GRAMD2A: variants seen among roughly 807,000 people sequenced by gnomAD.
GRAMD2A encodes the protein GRAM domain containing 2A, also known as GRAM domain-containing protein 2A.
In GRAMD2A, 37 loss-of-function variants were observed where a neutral mutation model predicts 51.1. The observed-to-expected ratio is 0.72, with a 90% CI of 0.56 to 0.95. The LOEUF is 0.95. Ranked by LOEUF, GRAMD2A falls within the 40% of genes least tolerant of loss-of-function variation. GRAMD2A has a pLI of 0.00. For synonymous variants in GRAMD2A, 136 were observed against 157.1 expected (o/e 0.87, Z 1.01); for missense variants, 414 against 426.9 (o/e 0.97, Z 0.27).
intron 1 of GRAMD2A, among the ~76,000 whole-genome samples, chr15:72,191,170 C>G (rs1948316132): frequency 1.3e-5 from 2 of 152,072 alleles, no homozygotes; most frequent in Non-Finnish European, 2.9e-5. Context: ...CTGGCTACAC[C>G]TCAGGATAAG....
chr15:72,162,388 C>T lies in GRAMD2A; in HGVS notation c.957-11G>A, dbSNP rs897731. 6.3e-7 allele frequency: 1 copy of T among 1,598,486 alleles called. No homozygotes were observed. Among genetic ancestry groups the T allele is most frequent in the Non-Finnish European group, 8.6e-7 (1 of 1,166,398 alleles). On this transcript the variant is annotated splice_polypyrimidine_tract_variant and intron_variant, in intron 10 of 11. Transcript: ENST00000309731. ...ACCAGGAAGCAGATCCTGAAGAAAG[C>T]GGCAATACGGAGTTAAATATTTCTT...
At chr15:72,185,189 GTTTTT>G (rs761749553) in intron 1 of GRAMD2A, among the ~76,000 whole-genome samples, 1 of 139,966 alleles carries the variant, frequency 7.1e-6, no homozygotes, top group African/African-American at 2.6e-5. Flanking sequence ...TTTTGTTCCA[GTTTTT>G]TTTTTTTTTT....
chr15:72,163,493 A>G lies in GRAMD2A; in HGVS notation c.746-17T>C, dbSNP rs750683347. ...TTGACTTTTCTTTATGGATTGGGAGAAAAAAAAAATCAGCTCTCAGAAGCC... is the reference window on the plus strand; with the variant it reads ...TTGACTTTTCTTTATGGATTGGGAGGAAAAAAAAATCAGCTCTCAGAAGCC... On this transcript the variant is annotated splice_polypyrimidine_tract_variant and intron_variant, in intron 9 of 11. Transcript: ENST00000309731. 9 of 1,512,002 alleles carry G rather than the reference A, an allele frequency of 6.0e-6. No homozygotes were observed. Among genetic ancestry groups the G allele is most frequent in the African/African-American group, 2.8e-5 (2 of 72,110 alleles). The allele number at this position is 1,512,002 out of a possible 1,614,324, so 93.7% of individuals were successfully genotyped here. A position where few individuals can be genotyped will look rare whatever the true frequency, so the allele number is the denominator to read the frequency against.
chr15:72,170,838 T>C lies in GRAMD2A; in HGVS notation c.42-899A>G, dbSNP rs537159373. The stretch of plus-strand genomic sequence containing the variant: ...GAACAGGTAACAAGGTCACGTGCAG[T>C]GGTCCTGCTGCAGATTAGGAGCTGG... On this transcript the variant is annotated intron_variant, in intron 1 of 11. Transcript: ENST00000309731. The surrounding 1 kb of genome is among the most constrained non-coding windows in gnomAD (Gnocchi z 4.5). Among the ~76,000 whole-genome samples, 58 of 152,304 alleles carry C rather than the reference T, an allele frequency of 3.8e-4. No individual in the cohort carries two copies. Among genetic ancestry groups the C allele is most frequent in the Non-Finnish European group, 6.2e-4 (42 of 68,020 alleles).
rs1596705372 is a variant in GRAMD2A, at chr15:72,197,689, TCCGGAACCCCCGAGACCGGCCC to T, written c.41+20_41+41del. 7.8e-7 allele frequency: 1 copy of T among 1,276,968 alleles called. No homozygotes were observed. Among genetic ancestry groups the T allele is most frequent in the Non-Finnish European group, 9.9e-7 (1 of 1,010,252 alleles). The allele number at this position is 1,276,968 out of a possible 1,614,324, so 79.1% of individuals were successfully genotyped here. On this transcript the variant is annotated intron_variant, in intron 1 of 11. Coordinates refer to ENST00000309731, the MANE Select transcript of GRAMD2A (RefSeq NM_001012642.3). ...GCGGCAGCAGCCCCTCGCGGCGGCC[TCCGGAACCCCCGAGACCGGCCC>T]CCGGGCCGCAACCCCTTACCCGCCC...
chr15:72,164,552 C>A (rs984607472), intron 8 of GRAMD2A, among the ~76,000 whole-genome samples: 2 of 151,980 alleles, frequency 1.3e-5, no homozygotes, highest in African/African-American at 4.8e-5. Context: ...ACTACAGGTA[C>A]GTGCCAACAT....
intron 1 of GRAMD2A, among the ~76,000 whole-genome samples, chr15:72,178,464 G>A (rs957035393): frequency 6.6e-6 from 1 of 151,888 alleles, no homozygotes; most frequent in Non-Finnish European, 1.5e-5. Context: ...CTAGGATTCT[G>A]TGGAGAGAGG....
At position 72,166,312 on chromosome 15, in the gene GRAMD2A, G is replaced by A. The variant is rs2081543790; in HGVS notation, c.543+320C>T. ...GAGGCTAAGCTACGATGTTCTGTAG[G>A]TGATGTGTACCTCTATTAAACACAT... On this transcript the variant is annotated intron_variant, in intron 7 of 11. Coordinates refer to ENST00000309731, the MANE Select transcript of GRAMD2A (RefSeq NM_001012642.3). The surrounding 1 kb of genome is among the most constrained non-coding windows in gnomAD (Gnocchi z 4.1). 6.6e-6 allele frequency among the ~76,000 whole-genome samples: 1 copy of A among 152,212 alleles called. No homozygotes were observed. The highest frequency in any genetic ancestry group is 2.4e-5 in the African/African-American group (1 of 41,464).
At chr15:72,195,885 A>C in intron 1 of GRAMD2A, among the ~76,000 whole-genome samples, 1 of 152,100 alleles carries the variant, frequency 6.6e-6, no homozygotes, top group East Asian at 1.9e-4. Flanking sequence ...ACGCCATTGC[A>C]CTCCAGCCTG....
chr15:72,168,938 C>A lies in GRAMD2A; in HGVS notation c.192+1G>T, dbSNP rs1466596170. ...AGTGAGAAGTCAGCCTCCAGACTTA[C>A]CCCTTCTCGGCCACACTTCTTTATC... On this transcript the variant is annotated splice_donor_variant, in intron 3 of 11. Transcript: ENST00000309731. LOFTEE classifies it high-confidence loss of function. 2 of 1,613,768 alleles carry A rather than the reference C, an allele frequency of 1.2e-6. No homozygotes were observed. Among genetic ancestry groups the A allele is most frequent in the Non-Finnish European group, 1.7e-6 (2 of 1,179,718 alleles).
chr15:72,179,046 A>G (rs2081677547), intron 1 of GRAMD2A, among the ~76,000 whole-genome samples: 1 of 152,186 alleles, frequency 6.6e-6, no homozygotes, highest in Non-Finnish European at 1.5e-5. Context: ...GGTCCCACTC[A>G]GCTCCCCTGG....
At chr15:72,167,997 A>G (rs2081567165) in intron 4 of GRAMD2A, among the ~76,000 whole-genome samples, 158 bp from the exon 5 acceptor site, 1 of 151,938 alleles carries the variant, frequency 6.6e-6, no homozygotes, top group African/African-American at 2.4e-5. Context: ...CAAACAGTCC[A>G]TTCCCCAGCG....
At chr15:72,174,225 G>C (rs1296673024) in intron 1 of GRAMD2A, among the ~76,000 whole-genome samples, 2 of 152,184 alleles carry the variant, frequency 1.3e-5, no homozygotes, top group African/African-American at 2.4e-5. Context: ...GTACAGGGCA[G>C]ACTGGTCACT....
intron 1 of GRAMD2A, among the ~76,000 whole-genome samples, chr15:72,193,814 A>C (rs2081786365): frequency 6.6e-6 from 1 of 152,184 alleles, no homozygotes; most frequent in Non-Finnish European, 1.5e-5. Flanking sequence ...GTGTGAGCCA[A>C]CGCGCCAGGC....
intron 7 of GRAMD2A, among the ~76,000 whole-genome samples, chr15:72,165,752 C>T (rs1003625953): frequency 1.3e-5 from 2 of 152,240 alleles, no homozygotes; most frequent in Non-Finnish European, 2.9e-5. Flanking sequence ...CCCTGACCTA[C>T]GATGGTTCCA....
rs2081503316 is a variant in GRAMD2A at position 72,163,432 on chromosome 15, C to G, written c.790G>C (p.Ala264Pro). ...GGACCCCAGCCTGGCATGGGCCATG[C>G]CCACCTCCCACCATTTTCTGAAGCT... ...QVASENGGRW[A>P]WPMPGWGPAC... The change falls in exon 10 of 12, where the codon GCA becomes CCA. Residue 264 changes from alanine to proline, a missense_variant. Ala to Pro is a conservative substitution (Grantham distance 27). Coordinates refer to ENST00000309731, the MANE Select transcript of GRAMD2A (RefSeq NM_001012642.3). 1.2e-6 allele frequency: 2 copies of G among 1,614,196 alleles called. No homozygotes were observed. Among genetic ancestry groups the G allele is most frequent in the African/African-American group, 2.7e-5 (2 of 75,056 alleles).
chr15:72,182,836 T>C (rs539037998), intron 1 of GRAMD2A, among the ~76,000 whole-genome samples: 1 of 152,286 alleles, frequency 6.6e-6, no homozygotes, highest in Admixed American at 6.5e-5. Flanking sequence ...GAGTTTCAGT[T>C]TTGCAAGAAG....
chr15:72,187,018 GGGTGT>G (rs2081738977), intron 1 of GRAMD2A, among the ~76,000 whole-genome samples: 3 of 151,668 alleles, frequency 2.0e-5, no homozygotes, highest in African/African-American at 7.2e-5. Flanking sequence ...AAAATTAGCT[GGGTGT>G]GGTGGTAGGC....
In GRAMD2A at chr15:72,166,855, G is replaced by A; in HGVS notation, c.471+139C>T. On this transcript the variant is annotated intron_variant, in intron 6 of 11. Coordinates refer to ENST00000309731, the MANE Select transcript of GRAMD2A (RefSeq NM_001012642.3). This position sits in a 1 kb window ranked among gnomAD's most constrained non-coding sequence, Gnocchi z 4.1. ...TGCCTAGGAACTTCTCTTCCAGCTT[G>A]TTGTACGGCCTGAAATACCTACTGG... 1 of 927,634 alleles carries A rather than the reference G, an allele frequency of 1.1e-6. No individual in the cohort carries two copies. The highest frequency in any genetic ancestry group is 1.4e-5 in the South Asian group (1 of 71,754). The allele number at this position is 927,634 out of a possible 1,614,324, so 57.5% of individuals were successfully genotyped here.
Sources: gnomAD v4.1 joint callset for allele counts (sites outside exome capture counted in the v4.1 genomes callset) on GRCh38, gnomAD v4.1.1 for gene constraint, Gnocchi (gnomAD v3.1) non-coding constraint, MANE v1.5 for transcripts, NCBI Gene and HGNC (gene_info 2026-07-23, HGNC 2026-07-21) for gene names.